Variants in MYOM2 observed in about 807,000 individuals in gnomAD.
MYOM2 encodes myomesin-2.
A neutral mutation model predicts 187.6 loss-of-function variants in MYOM2; 254 were observed. That is an observed-to-expected ratio of 1.35 (90% CI 1.22 to 1.50). The LOEUF is 1.50. Among genes scored for constraint, MYOM2 ranks in the 40% most tolerant of loss-of-function variants. The probability of loss-of-function intolerance (pLI) is 0.00; values close to 1 mark genes in which losing one functional copy is unlikely to be tolerated. For missense variants in MYOM2, 2,796 were observed against 1,924.0 expected, an observed-to-expected ratio of 1.45 and a Z score of -8.48; for synonymous variants, 981 against 753.8, an observed-to-expected ratio of 1.30 and a Z score of -4.94.
Position 2,102,786 on chromosome 8 carries a change from G to C in MYOM2, c.2734+5G>C. Reference sequence around the variant, plus strand: ...TGCTGGTAGAGGCGAGACCAGGTAAGGCTTACAACAAAAACTACAAAACAG... The same window carrying C: ...TGCTGGTAGAGGCGAGACCAGGTAACGCTTACAACAAAAACTACAAAACAG... On this transcript the variant is annotated splice_donor_5th_base_variant and intron_variant, in intron 21 of 36. Coordinates refer to ENST00000262113, the MANE Select transcript of MYOM2 (RefSeq NM_003970.4). The C allele has an allele frequency of 6.2e-7, 1 of 1,607,666 alleles. No homozygotes were observed. The highest frequency in any genetic ancestry group is 8.5e-7 in the Non-Finnish European group (1 of 1,174,604).
At position 2,046,542 on chromosome 8, in the gene MYOM2, T is replaced by C. The variant is rs144790193; in HGVS notation, c.-13+1374T>C. Among the ~76,000 whole-genome samples, 286 of 152,254 alleles carry C rather than the reference T, an allele frequency of 1.9e-3. 2 individuals carry two copies. Among genetic ancestry groups the C allele is most frequent in the African/African-American group, 6.6e-3 (273 of 41,552 alleles). On this transcript the variant is annotated intron_variant, in intron 1 of 36. Transcript: ENST00000262113. ...AGTACAGCGTGGCGCCAGGATTATC[T>C]ACACACAGGCTGTCCAAGCTGGGGG...
At chr8:2,142,302 C>A in intron 34 of MYOM2, 73 bp from the exon 35 acceptor site, 1 of 1,413,414 alleles carries the variant, frequency 7.1e-7, no homozygotes, top group Non-Finnish European at 1.0e-6. Flanking sequence ...AGCCTCTCAG[C>A]TGTGCATTTT....
chr8:2,079,037 A>G, intron 12 of MYOM2, 104 bp downstream of exon 12: 2 of 1,120,626 alleles, frequency 1.8e-6, no homozygotes, highest in Non-Finnish European at 2.7e-6. Flanking sequence ...AGCCCTGAGA[A>G]TGCCCTGTGT....
chr8:2,069,261 G>GT lies in MYOM2; in HGVS notation c.654-10dup, dbSNP rs765163314. 4.4e-6 allele frequency: 7 copies of GT among 1,602,456 alleles called. No individual in the cohort carries two copies. In the East Asian group the frequency reaches 6.7e-5, roughly 15 times the overall value. Reference sequence around the variant, plus strand: ...ACAACAGTCCCGCAGACTTTCTCTTGTTTTTTTCTCTCCAAGGGCAGACTT... The same window carrying GT: ...ACAACAGTCCCGCAGACTTTCTCTTGTTTTTTTTCTCTCCAAGGGCAGACTT... On this transcript the variant is annotated splice_polypyrimidine_tract_variant and intron_variant, in intron 6 of 36. Coordinates refer to ENST00000262113, the MANE Select transcript of MYOM2 (RefSeq NM_003970.4).
At position 2,076,262 on chromosome 8, in the gene MYOM2, C is replaced by T. The variant is rs1819415750; in HGVS notation, c.1242C>T (p.Val414=). ...CCAACACCACCACTGAGAGCCCCGT[C>T]ATGGGCTATTTTGTGGACCGGTGAG... ...KPPNTTTESP[V]MGYFVDRCEV... Residue 414 remains valine (V), a synonymous_variant, in exon 11 of 37, where the codon GTC becomes GTT. Transcript: ENST00000262113. The T allele has an allele frequency of 6.2e-7, 1 of 1,613,668 alleles. No individual in the cohort carries two copies. Among genetic ancestry groups the T allele is most frequent in the East Asian group, 2.2e-5 (1 of 44,890 alleles).
chr8:2,108,001 C>G (rs58396608), intron 23 of MYOM2, among the ~76,000 whole-genome samples: 7,770 of 152,218 alleles, frequency 0.051, 294 homozygotes, highest in East Asian at 0.18. Context: ...AAATTCCTAC[C>G]AGAAGGTTGA....
intron 32 of MYOM2, among the ~76,000 whole-genome samples, chr8:2,131,943 A>G (rs1319805911): frequency 2.6e-5 from 4 of 152,104 alleles, no homozygotes; most frequent in Admixed American, 6.5e-5. Flanking sequence ...GCAGCCGGCC[A>G]ATAGGCATTT....
At chr8:2,070,907 C>T (rs1819192064) in intron 8 of MYOM2, among the ~76,000 whole-genome samples, 1 of 152,200 alleles carries the variant, frequency 6.6e-6, no homozygotes. Context: ...GCCAGTGCTG[C>T]TCCTGCCCGT....
At chr8:2,099,632 C>T (rs1796615555) in intron 19 of MYOM2, among the ~76,000 whole-genome samples, 1 of 152,262 alleles carries the variant, frequency 6.6e-6, no homozygotes, top group Admixed American at 6.5e-5. Context: ...GTTGCCCAGG[C>T]TGGTCTTGAA....
chr8:2,073,600 GT>G, intron 10 of MYOM2, 100 bp downstream of exon 10: 1 of 1,371,014 alleles, frequency 7.3e-7, no homozygotes. Flanking sequence ...AGTCCAGAGG[GT>G]GTGAGACCAC....
Position 2,093,104 on chromosome 8 carries a change from G to T in MYOM2, c.2003+584G>T, listed in dbSNP as rs1258420608. On this transcript the variant is annotated intron_variant, in intron 16 of 36. Coordinates refer to ENST00000262113, the MANE Select transcript of MYOM2 (RefSeq NM_003970.4). ...GGCTTCTCTGCGATACGCGTCTTAG[G>T]AAAATGTCAGCAGCTGTCAGAACCA... 2.6e-5 allele frequency among the ~76,000 whole-genome samples: 4 copies of T among 152,230 alleles called. No homozygotes were observed. The East Asian group carries it at 5.8e-4, about 22-fold the overall frequency.
At chr8:2,103,134 G>A (rs894522927) in intron 21 of MYOM2, among the ~76,000 whole-genome samples, 2 of 150,074 alleles carry the variant, frequency 1.3e-5, no homozygotes, top group Non-Finnish European at 3.0e-5. Context: ...GTGGGTGGGT[G>A]TGTGTGTAAA....
chr8:2,102,645 G>A (rs1056606808), intron 20 of MYOM2, 22 bp from the exon 21 acceptor site: 1 of 1,528,778 alleles, frequency 6.5e-7, no homozygotes, highest in South Asian at 1.1e-5. Context: ...CACACATCTG[G>A]TGTTTCCTCT....
chr8:2,097,190 C>G (rs1294721520), intron 18 of MYOM2: 1 of 701,468 alleles, frequency 1.4e-6, no homozygotes, highest in African/African-American at 1.9e-5. Context: ...GAAAATTCTG[C>G]CTTATAAATC....
intron 21 of MYOM2, among the ~76,000 whole-genome samples, chr8:2,105,600 G>A (rs1035949491): frequency 6.6e-6 from 1 of 152,068 alleles, no homozygotes; most frequent in African/African-American, 2.4e-5. Context: ...GGATCTTCAG[G>A]GCCTGGAGAG....
intron 32 of MYOM2, among the ~76,000 whole-genome samples, chr8:2,131,643 CTT>C (rs5888888): frequency 0.072 from 8,214 of 113,964 alleles, 186 homozygotes; most frequent in Middle Eastern, 0.13. Context: ...GCATTTCTTT[CTT>C]TTTTTTTTTT....
chr8:2,126,463 TAC>T (rs931035013), intron 31 of MYOM2, among the ~76,000 whole-genome samples: 4 of 151,972 alleles, frequency 2.6e-5, no homozygotes, highest in African/African-American at 9.7e-5. Flanking sequence ...ACCCACACCC[TAC>T]ACACTCACAC....
intron 5 of MYOM2, 38 bp downstream of exon 5, chr8:2,057,818 T>C (rs1818722275): frequency 6.3e-7 from 1 of 1,594,838 alleles, no homozygotes; most frequent in Non-Finnish European, 8.6e-7. Flanking sequence ...AGAAGTCCAT[T>C]CTGCGTTTTC....
chr8:2,117,619 G>A (rs758141015), intron 27 of MYOM2, among the ~76,000 whole-genome samples: 7 of 152,098 alleles, frequency 4.6e-5, no homozygotes, highest in Non-Finnish European at 7.4e-5. Context: ...GCCATCAGAC[G>A]TACGCTCCTA....
Sources: gnomAD v4.1 joint callset for allele counts (sites outside exome capture counted in the v4.1 genomes callset) on GRCh38, gnomAD v4.1.1 for gene constraint, MANE v1.5 for transcripts, NCBI Gene and HGNC (gene_info 2026-07-23, HGNC 2026-07-21) for gene names.